The following ARHGAP28 variants were observed in gnomAD, a reference collection of about 807,000 sequenced individuals.
ARHGAP28 encodes Rho GTPase activating protein 28.
ARHGAP28 carries 56 observed loss-of-function variants against 90.7 expected under a neutral mutation model. The ratio of observed to expected loss-of-function variants is 0.62; its 90% confidence interval spans 0.50 to 0.77. The LOEUF (loss-of-function observed/expected upper bound fraction) is 0.77. ARHGAP28 is among the 30% of genes least tolerant of loss of function. The probability of loss-of-function intolerance (pLI) is 0.00; values close to 1 mark genes in which losing one functional copy is unlikely to be tolerated. For missense variants in ARHGAP28, 869 were observed against 900.9 expected (o/e 0.96, Z 0.45); for synonymous variants, 308 against 323.3 (o/e 0.95, Z 0.51).
At chr18:6,829,786 C>T (rs562758300) in intron 2 of ARHGAP28, among the ~76,000 whole-genome samples, 22 of 152,234 alleles carry the variant, frequency 1.4e-4, no homozygotes, top group Admixed American at 1.2e-3. Context: ...GGATATCAAT[C>T]GTTTATTTCT....
rs1012780959 is a variant in ARHGAP28 at position 6,779,586 on chromosome 18, C to T, written c.123-45176C>T. Among the ~76,000 whole-genome samples the T allele has an allele frequency of 1.2e-4, 18 of 152,284 alleles. 1 individual carries two copies. The Middle Eastern group carries it at 0.01, about 86-fold the overall frequency. ...TAGTTTCCAAGGTACAGGTATACCC[C>T]GATCTCCTTAACAGCCATTGTATGA... On this transcript the variant is annotated intron_variant, in intron 1 of 17. Coordinates refer to ENST00000383472, the MANE Select transcript of ARHGAP28 (RefSeq NM_001366230.1).
intron 1 of ARHGAP28, among the ~76,000 whole-genome samples, chr18:6,794,674 A>T (rs2056429057): frequency 6.6e-6 from 1 of 150,380 alleles, no homozygotes; most frequent in Non-Finnish European, 1.5e-5. Flanking sequence ...CTAAAATCAC[A>T]TGATCAATTT....
intron 17 of ARHGAP28, among the ~76,000 whole-genome samples, chr18:6,911,244 G>A (rs73386398): frequency 0.013 from 1,987 of 152,208 alleles, 44 homozygotes; most frequent in African/African-American, 0.046. Flanking sequence ...TTACCATTTT[G>A]GGATTTCCTG....
intron 2 of ARHGAP28, among the ~76,000 whole-genome samples, chr18:6,831,476 T>G (rs2056715261): frequency 6.7e-6 from 1 of 148,660 alleles, no homozygotes; most frequent in African/African-American, 2.5e-5. Context: ...TTGATGTTTT[T>G]TTTTTTTTTT....
intron 1 of ARHGAP28, among the ~76,000 whole-genome samples, chr18:6,803,963 T>C (rs959514187): frequency 6.6e-6 from 1 of 152,030 alleles, no homozygotes; most frequent in African/African-American, 2.4e-5. Context: ...GTATTTTTAG[T>C]AGAGATGGGG....
At chr18:6,730,218 T>C (rs1567927779) in intron 1 of ARHGAP28, 1 of 130,702 alleles carries the variant, frequency 7.7e-6, no homozygotes, top group Non-Finnish European at 1.5e-5. Context: ...GGATAAGTCA[T>C]GTGTATATAT....
chr18:6,735,106 C>T (rs1014012764), intron 1 of ARHGAP28, among the ~76,000 whole-genome samples: 5 of 152,116 alleles, frequency 3.3e-5, no homozygotes, highest in African/African-American at 7.2e-5. Context: ...ATTGTAGAAT[C>T]GCCTTATGTA....
intron 1 of ARHGAP28, among the ~76,000 whole-genome samples, chr18:6,802,332 G>GTTT (rs1199862937): frequency 5.0e-4 from 39 of 77,956 alleles, no homozygotes; most frequent in African/African-American, 1.2e-3. Context: ...TCATATGGTA[G>GTTT]TTCTTTTTTT....
At chr18:6,828,839 C>G (rs1482746380) in intron 2 of ARHGAP28, among the ~76,000 whole-genome samples, 1 of 152,182 alleles carries the variant, frequency 6.6e-6, no homozygotes, top group Non-Finnish European at 1.5e-5. Context: ...TGTCTGTCAA[C>G]AAGCAAATAT....
intron 1 of ARHGAP28, among the ~76,000 whole-genome samples, chr18:6,762,122 G>C (rs1324016364): frequency 6.6e-6 from 1 of 152,160 alleles, no homozygotes; most frequent in Admixed American, 6.5e-5. Context: ...GTGTGTGTCA[G>C]TTTATTACAT....
At chr18:6,776,868 G>C (rs963424421) in intron 1 of ARHGAP28, among the ~76,000 whole-genome samples, 3 of 152,154 alleles carry the variant, frequency 2.0e-5, no homozygotes, top group African/African-American at 7.2e-5. Flanking sequence ...CCAACTTAAA[G>C]GATCCATGAT....
At chr18:6,854,101 G>A (rs1229963217) in intron 4 of ARHGAP28, among the ~76,000 whole-genome samples, 1 of 151,838 alleles carries the variant, frequency 6.6e-6, no homozygotes, top group Non-Finnish European at 1.5e-5. Flanking sequence ...TTGGTCTCGG[G>A]GGGGTTATAT....
intron 1 of ARHGAP28, among the ~76,000 whole-genome samples, chr18:6,814,639 G>A (rs541495135): frequency 5.1e-4 from 78 of 152,270 alleles, no homozygotes; most frequent in Admixed American, 1.0e-3. Context: ...CTTAGATGAT[G>A]CTGGAATGGG....
At chr18:6,883,980 A>G (rs1052450827) in intron 11 of ARHGAP28, among the ~76,000 whole-genome samples, 1 of 152,124 alleles carries the variant, frequency 6.6e-6, no homozygotes, top group African/African-American at 2.4e-5. Flanking sequence ...TGGTGCTTTT[A>G]AAATACTTTC....
chr18:6,793,468 G>A (rs2056420150), intron 1 of ARHGAP28, among the ~76,000 whole-genome samples: 1 of 152,132 alleles, frequency 6.6e-6, no homozygotes, highest in Admixed American at 6.5e-5. Flanking sequence ...GCTTTGAGGT[G>A]GACAGAGATA....
chr18:6,895,011 T>C (rs1369155570), intron 15 of ARHGAP28, 120 bp downstream of exon 15: 6 of 1,010,418 alleles, frequency 5.9e-6, no homozygotes, highest in Non-Finnish European at 9.2e-6. Flanking sequence ...ACATTTTCAA[T>C]GTGGCACATA....
At chr18:6,890,601 G>A in intron 14 of ARHGAP28, 58 bp downstream of exon 14, 1 of 1,047,824 alleles carries the variant, frequency 9.5e-7, no homozygotes, top group Non-Finnish European at 1.4e-6. Flanking sequence ...ACTCCTCAAA[G>A]GGGGGCACAA....
intron 16 of ARHGAP28, among the ~76,000 whole-genome samples, chr18:6,903,422 A>G (rs2057347760): frequency 6.6e-6 from 1 of 152,230 alleles, no homozygotes; most frequent in African/African-American, 2.4e-5. Context: ...TATTAGTAAA[A>G]CATCAATACC....
chr18:6,749,752 A>G (rs747832046), intron 1 of ARHGAP28, among the ~76,000 whole-genome samples: 1 of 152,174 alleles, frequency 6.6e-6, no homozygotes, highest in Non-Finnish European at 1.5e-5. Context: ...TATAGATGAC[A>G]TATTTAGAGT....
Sources: allele counts gnomAD v4.1 joint callset (sites outside exome capture counted in the v4.1 genomes callset), GRCh38; gene constraint gnomAD v4.1.1; transcripts MANE v1.5; gene names NCBI Gene and HGNC (gene_info 2026-07-23, HGNC 2026-07-21).